RARB: variants seen among roughly 807,000 people sequenced by gnomAD.
The protein encoded by RARB is retinoic acid receptor beta.
A neutral mutation model predicts 51.9 loss-of-function variants in RARB; 17 were observed. The observed-to-expected ratio is 0.33, with a 90% confidence interval of 0.22 to 0.49. The LOEUF is 0.49. Among genes scored for constraint, RARB ranks in the 20% least tolerant of loss-of-function variants. RARB has a pLI of 0.99. For synonymous variants in RARB, 215 were observed against 195.4 expected (o/e 1.10, Z -0.84); for missense variants, 369 against 550.8 (o/e 0.67, Z 3.30).
At chr3:25,329,900 G>A (rs1704840735) in intron 5 of RARB, among the ~76,000 whole-genome samples, 1 of 152,176 alleles carries the variant, frequency 6.6e-6, no homozygotes, top group Admixed American at 6.5e-5. Flanking sequence ...CAATCAAGTG[G>A]AAGAAAGGGT....
rs771328067 is a variant in RARB, at chr3:25,174,424, G to A, written c.27G>A (p.Pro9=). The A allele has an allele frequency of 2.4e-5, 32 of 1,351,964 alleles. No homozygotes were observed. In the African/African-American group the frequency reaches 2.8e-4, roughly 12 times the overall value. The allele number at this position is 1,351,964 out of a possible 1,614,324, so 83.7% of individuals were successfully genotyped here. A position where few individuals can be genotyped will look rare whatever the true frequency, so the allele number is the denominator to read the frequency against. ...TGACCACCAGCGGCCACGCATGTCC[G>A]GTCCCAGCAGTGAACGGACACATGA... Residue 9 remains proline, a synonymous_variant, in exon 5 of 12, where the codon CCG becomes CCA. Transcript: ENST00000383772.
intron 2 of RARB, among the ~76,000 whole-genome samples, chr3:24,897,433 C>T (rs1292412271): frequency 6.6e-6 from 1 of 152,090 alleles, no homozygotes; most frequent in Non-Finnish European, 1.5e-5. Context: ...GGAGATGGCT[C>T]CCGGACTGAA....
chr3:25,293,312 A>T (rs1002401418), intron 5 of RARB, among the ~76,000 whole-genome samples: 1 of 152,116 alleles, frequency 6.6e-6, no homozygotes, highest in East Asian at 1.9e-4. Context: ...CAGTTTTGTC[A>T]TTTGTAAGAT....
chr3:25,518,834 G>A (rs1698286013), intron 3 of RARB, among the ~76,000 whole-genome samples: 1 of 152,156 alleles, frequency 6.6e-6, no homozygotes, highest in African/African-American at 2.4e-5. Flanking sequence ...ACTTTTAAGT[G>A]TACTGTTTAG....
intron 2 of RARB, among the ~76,000 whole-genome samples, chr3:25,477,317 C>G (rs1305440367): frequency 2.6e-5 from 4 of 152,166 alleles, no homozygotes; most frequent in African/African-American, 7.2e-5. Flanking sequence ...GGGTAGGTGA[C>G]TCAAGAACAA....
chr3:25,014,179 T>C (rs1697459295), intron 2 of RARB, among the ~76,000 whole-genome samples: 1 of 152,154 alleles, frequency 6.6e-6, no homozygotes, highest in South Asian at 2.1e-4. Flanking sequence ...TTCTTCACTT[T>C]CGCATGCCTT....
At chr3:25,310,742 A>G (rs573655689) in intron 5 of RARB, among the ~76,000 whole-genome samples, 37 of 152,238 alleles carry the variant, frequency 2.4e-4, no homozygotes, top group African/African-American at 8.9e-4. Flanking sequence ...ATTCCACTCT[A>G]TACTGTCTGT....
At chr3:25,094,958 A>C (rs942517308) in intron 3 of RARB, among the ~76,000 whole-genome samples, 1 of 152,090 alleles carries the variant, frequency 6.6e-6, no homozygotes, top group Non-Finnish European at 1.5e-5. Context: ...GAAAAAGGTA[A>C]ACAAATAGTT....
intron 2 of RARB, among the ~76,000 whole-genome samples, chr3:24,961,526 A>C (rs1450511913): frequency 6.6e-6 from 1 of 152,176 alleles, no homozygotes; most frequent in African/African-American, 2.4e-5. Context: ...ATCCTCTACT[A>C]ATAATGGTAA....
At chr3:25,257,915 T>G (rs749911020) in intron 5 of RARB, among the ~76,000 whole-genome samples, 6 of 152,162 alleles carry the variant, frequency 3.9e-5, no homozygotes, top group Non-Finnish European at 7.3e-5. Flanking sequence ...TGTCTACTCA[T>G]GAAGTTAGTT....
intron 5 of RARB, among the ~76,000 whole-genome samples, chr3:25,247,444 T>C (rs1253775523): frequency 6.6e-6 from 1 of 152,172 alleles, no homozygotes; most frequent in African/African-American, 2.4e-5. Context: ...TCGGGGCCCA[T>C]GTGGTGTAGG....
chr3:25,092,346 T>C (rs1454359765), intron 3 of RARB, among the ~76,000 whole-genome samples: 1 of 152,158 alleles, frequency 6.6e-6, no homozygotes, highest in Non-Finnish European at 1.5e-5. Context: ...TTTTTGTTTG[T>C]TCATTTGTTT....
chr3:25,478,116 G>C (rs1237196524), intron 2 of RARB, among the ~76,000 whole-genome samples: 3 of 152,168 alleles, frequency 2.0e-5, no homozygotes. Context: ...AGGTTGCAGA[G>C]GACAAGGTAG....
At chr3:25,121,077 T>A (rs1699776726) in intron 3 of RARB, among the ~76,000 whole-genome samples, 1 of 152,188 alleles carries the variant, frequency 6.6e-6, no homozygotes, top group Non-Finnish European at 1.5e-5. Flanking sequence ...TGAATTCACA[T>A]GCATGTGTAT....
At chr3:25,571,362 C>T (rs917596459) in intron 4 of RARB, among the ~76,000 whole-genome samples, 1 of 152,244 alleles carries the variant, frequency 6.6e-6, no homozygotes, top group Admixed American at 6.5e-5. Flanking sequence ...GCTTATGCTG[C>T]TGGTCTGCAG....
At chr3:25,147,778 G>T (rs1366089560) in intron 4 of RARB, among the ~76,000 whole-genome samples, 2 of 152,192 alleles carry the variant, frequency 1.3e-5, no homozygotes, top group African/African-American at 4.8e-5. Context: ...TGCAAAGAGG[G>T]CTGGACATGT....
chr3:25,189,171 A>G (rs552866806), intron 5 of RARB, among the ~76,000 whole-genome samples: 3 of 152,258 alleles, frequency 2.0e-5, no homozygotes, highest in South Asian at 2.1e-4. Context: ...TCATCCCTCA[A>G]TGTAGGCTAA....
At chr3:25,040,642 A>ACTCGGGAGACTGAGGCAGAAGCTC (rs1698093312) in intron 2 of RARB, among the ~76,000 whole-genome samples, 1 of 151,962 alleles carries the variant, frequency 6.6e-6, no homozygotes, top group Non-Finnish European at 1.5e-5. Context: ...GGCAGAAGCT[A>ACTCGGGAGACTGAGGCAGAAGCTC]CTCAGGAGAC....
At chr3:25,509,935 C>G (rs1423771477) in intron 3 of RARB, among the ~76,000 whole-genome samples, 1 of 152,204 alleles carries the variant, frequency 6.6e-6, no homozygotes, top group Non-Finnish European at 1.5e-5. Context: ...TCCGTCATGT[C>G]CCTTCTCCCA....
Sources: allele counts gnomAD v4.1 joint callset (sites outside exome capture counted in the v4.1 genomes callset), GRCh38; gene constraint gnomAD v4.1.1; transcripts MANE v1.5; gene names NCBI Gene and HGNC (gene_info 2026-07-23, HGNC 2026-07-21).